DNAJC1: variants seen among roughly 807,000 people sequenced by gnomAD.
The protein encoded by DNAJC1 is dnaJ homolog subfamily C member 1.
DNAJC1 carries 58 observed loss-of-function variants against 76.6 expected under a neutral mutation model. The ratio of observed to expected loss-of-function variants is 0.76; its 90% CI spans 0.61 to 0.94. The LOEUF is 0.94. DNAJC1 is among the 40% of genes least tolerant of loss of function. The pLI is 0.00. For missense variants in DNAJC1, 689 were observed against 677.3 expected, an observed-to-expected ratio of 1.02 and a Z score of -0.19; for synonymous variants, 258 against 267.9, an observed-to-expected ratio of 0.96 and a Z score of 0.36.
At chr10:21,937,887 G>T (rs1301553134) in intron 1 of DNAJC1, among the ~76,000 whole-genome samples, 1 of 152,074 alleles carries the variant, frequency 6.6e-6, no homozygotes, top group East Asian at 1.9e-4. Flanking sequence ...AAGGAAATTA[G>T]AAACTACTGT....
intron 8 of DNAJC1, among the ~76,000 whole-genome samples, chr10:21,849,646 G>C (rs1044758318): frequency 1.3e-5 from 2 of 151,956 alleles, no homozygotes; most frequent in African/African-American, 4.8e-5. Flanking sequence ...TTCCAAGTCT[G>C]ACAAAGACAG....
intron 1 of DNAJC1, among the ~76,000 whole-genome samples, chr10:21,954,761 T>C (rs549618170): frequency 6.4e-4 from 97 of 152,290 alleles, no homozygotes; most frequent in African/African-American, 2.3e-3. Context: ...TATCACATAA[T>C]AAATGTATTA....
At chr10:21,998,225 T>C (rs1244066914) in intron 1 of DNAJC1, among the ~76,000 whole-genome samples, 6 of 151,760 alleles carry the variant, frequency 4.0e-5, no homozygotes, top group Non-Finnish European at 8.8e-5. Flanking sequence ...ACCCCATCTC[T>C]ACTAAAAATA....
chr10:21,902,524 C>T (rs930537246), intron 7 of DNAJC1, among the ~76,000 whole-genome samples: 1 of 152,064 alleles, frequency 6.6e-6, no homozygotes, highest in African/African-American at 2.4e-5. Context: ...AGGTGGGTCT[C>T]GAACTCCTGA....
intron 8 of DNAJC1, among the ~76,000 whole-genome samples, chr10:21,870,649 C>T (rs1450298207): frequency 6.6e-6 from 1 of 152,056 alleles, no homozygotes; most frequent in Admixed American, 6.5e-5. Context: ...GTGGCACATG[C>T]CTGTAGTCCC....
intron 9 of DNAJC1, among the ~76,000 whole-genome samples, chr10:21,786,491 G>GAGAGAGAGAGAGAGAGAGAGAGAGAGAC (rs1387218789): frequency 1.4e-5 from 2 of 143,080 alleles, no homozygotes; most frequent in Admixed American, 7.0e-5. Context: ...GAGAGAGAGA[G>GAGAGAGAGAGAGAGAGAGAGAGAGAGAC]AGAGAGAGAG....
At chr10:21,915,554 T>A (rs1405498509) in intron 6 of DNAJC1, among the ~76,000 whole-genome samples, 3 of 152,214 alleles carry the variant, frequency 2.0e-5, no homozygotes, top group Admixed American at 6.5e-5. Flanking sequence ...TAACTTTTCA[T>A]AAAATTCAAG....
chr10:21,941,095 C>CAAAA (rs1208799870), intron 1 of DNAJC1, among the ~76,000 whole-genome samples: 5 of 39,180 alleles, frequency 1.3e-4, no homozygotes, highest in Non-Finnish European at 2.8e-4. Context: ...ACTAAAAATA[C>CAAAA]AAAAAAAAAA....
intron 8 of DNAJC1, among the ~76,000 whole-genome samples, chr10:21,836,475 A>C (rs997503217): frequency 4.6e-5 from 7 of 152,178 alleles, no homozygotes; most frequent in Non-Finnish European, 7.3e-5. Context: ...TCACACATAA[A>C]AATATTAACC....
intron 1 of DNAJC1, among the ~76,000 whole-genome samples, chr10:21,940,092 G>A (rs1335567207): frequency 6.6e-6 from 1 of 151,872 alleles, no homozygotes; most frequent in Non-Finnish European, 1.5e-5. Flanking sequence ...AGGAAACTTG[G>A]ATTCATCACA....
At chr10:21,838,752 A>G (rs938381306) in intron 8 of DNAJC1, among the ~76,000 whole-genome samples, 3 of 152,228 alleles carry the variant, frequency 2.0e-5, no homozygotes, top group African/African-American at 7.2e-5. Context: ...AAGCAGACCT[A>G]ACAGACATCT....
chr10:21,792,829 TG>T (rs1834708367), intron 9 of DNAJC1, among the ~76,000 whole-genome samples: 1 of 150,826 alleles, frequency 6.6e-6, no homozygotes, highest in Non-Finnish European at 1.5e-5. Context: ...CATGATCAAG[TG>T]GGAATGTAAG....
chr10:21,772,995 A>C (rs752662317), intron 9 of DNAJC1, among the ~76,000 whole-genome samples: 4 of 152,054 alleles, frequency 2.6e-5, no homozygotes, highest in African/African-American at 4.8e-5. Flanking sequence ...AAACAACCAG[A>C]TCTTGTGAGA....
chr10:21,889,157 C>T (rs983278318), intron 7 of DNAJC1, among the ~76,000 whole-genome samples: 42 of 152,184 alleles, frequency 2.8e-4, no homozygotes, highest in Middle Eastern at 3.4e-3. Flanking sequence ...CTTTCAATCA[C>T]GGCAGAAGGC....
intron 7 of DNAJC1, among the ~76,000 whole-genome samples, chr10:21,897,920 G>A (rs1836570714): frequency 2.0e-5 from 3 of 152,206 alleles, no homozygotes; most frequent in Non-Finnish European, 4.4e-5. Flanking sequence ...TGTAAAGGAA[G>A]AAGTAAATCT....
At chr10:21,776,527 G>A (rs117496291) in intron 9 of DNAJC1, among the ~76,000 whole-genome samples, 8 of 152,164 alleles carry the variant, frequency 5.3e-5, no homozygotes, top group Non-Finnish European at 7.4e-5. Context: ...CTACTACAGC[G>A]TTCAAATACA....
At chr10:21,840,791 G>A (rs561111823) in intron 8 of DNAJC1, among the ~76,000 whole-genome samples, 87 of 152,192 alleles carry the variant, frequency 5.7e-4, no homozygotes, top group Non-Finnish European at 9.7e-4. Context: ...AGCCTGCATC[G>A]CCAAGTCAAT....
intron 10 of DNAJC1, among the ~76,000 whole-genome samples, chr10:21,761,414 C>T (rs1402860213): frequency 1.3e-5 from 2 of 151,980 alleles, no homozygotes; most frequent in South Asian, 2.1e-4. Context: ...CAAAAATTAG[C>T]CGGGTGTGGT....
chr10:21,824,702 T>C (rs1835218916), intron 8 of DNAJC1, among the ~76,000 whole-genome samples: 1 of 152,176 alleles, frequency 6.6e-6, no homozygotes, highest in East Asian at 1.9e-4. Context: ...AACCTGCCCT[T>C]ATTCTTTTAT....
Sources: gnomAD v4.1 joint callset for allele counts (sites outside exome capture counted in the v4.1 genomes callset) on GRCh38, gnomAD v4.1.1 for gene constraint, MANE v1.5 for transcripts, NCBI Gene and HGNC (gene_info 2026-07-23, HGNC 2026-07-21) for gene names.